Variants in MGMT observed in about 807,000 individuals in gnomAD.
The protein encoded by MGMT is methylated-DNA--protein-cysteine methyltransferase.
MGMT carries 14 observed loss-of-function variants against 15.9 expected under a neutral mutation model. The ratio of observed to expected loss-of-function variants is 0.88; its 90% CI spans 0.58 to 1.37. MGMT has a LOEUF of 1.37. Among genes scored for constraint, MGMT ranks in the 40% most tolerant of loss-of-function variants. MGMT has a pLI of 0.00. For synonymous variants in MGMT, 130 were observed against 118.2 expected, an observed-to-expected ratio of 1.10 and a Z score of -0.65; for missense variants, 282 against 268.1, an observed-to-expected ratio of 1.05 and a Z score of -0.36.
intron 2 of MGMT, among the ~76,000 whole-genome samples, chr10:129,588,666 G>A (rs890980036): frequency 8.5e-5 from 13 of 152,154 alleles, no homozygotes; most frequent in Admixed American, 3.9e-4. Context: ...CCTGTACTGC[G>A]AGCCAGCACT....
chr10:129,485,139 ATCTT>A (rs1292043403), intron 1 of MGMT, among the ~76,000 whole-genome samples: 1 of 152,092 alleles, frequency 6.6e-6, no homozygotes, highest in Non-Finnish European at 1.5e-5. Flanking sequence ...ACTTCTGGGC[ATCTT>A]TCTTTGACCT....
intron 3 of MGMT, among the ~76,000 whole-genome samples, chr10:129,757,327 G>T (rs913592475): frequency 6.6e-6 from 1 of 152,210 alleles, no homozygotes; most frequent in Non-Finnish European, 1.5e-5. Context: ...CAAGGCTGGC[G>T]CTCAGATGAG....
intron 3 of MGMT, among the ~76,000 whole-genome samples, chr10:129,721,623 T>C (rs1359705): frequency 0.55 from 82,959 of 152,006 alleles, 22,886 homozygotes; most frequent in Middle Eastern, 0.71. Context: ...AACAATAGCA[T>C]AGAAGATGAG....
intron 2 of MGMT, among the ~76,000 whole-genome samples, chr10:129,593,089 G>A (rs1564862391): frequency 6.6e-6 from 1 of 152,182 alleles, no homozygotes. Flanking sequence ...TCCTTCTTGT[G>A]TAGGGTGAGG....
Position 129,555,924 on chromosome 10 carries a change from G to A in MGMT, c.125+19547G>A, listed in dbSNP as rs949028827. ...CCCACTGGGACTCTCTAGGGCCAGC[G>A]GGAACCCTGCAGGCATTCGGAGAAC... is the stretch of plus-strand genomic sequence containing the variant. On this transcript the variant is annotated intron_variant, in intron 2 of 4. Transcript: ENST00000651593. Among the ~76,000 whole-genome samples, 22 of 152,284 alleles carry A rather than the reference G, an allele frequency of 1.4e-4. No homozygotes were observed. The Middle Eastern group carries it at 0.024, about 165-fold the overall frequency.
intron 1 of MGMT, among the ~76,000 whole-genome samples, chr10:129,497,953 G>A (rs148075008): frequency 1.3e-5 from 2 of 152,220 alleles, no homozygotes; most frequent in African/African-American, 4.8e-5. Flanking sequence ...AATTTCTGTT[G>A]TTTACAAAGC....
At chr10:129,535,556 G>C (rs1020111147) in intron 1 of MGMT, among the ~76,000 whole-genome samples, 3 of 152,108 alleles carry the variant, frequency 2.0e-5, no homozygotes, top group Non-Finnish European at 4.4e-5. Context: ...GTCTTGCTAC[G>C]TTGCCCAGTC....
At chr10:129,535,991 A>C (rs1023975570) in intron 1 of MGMT, among the ~76,000 whole-genome samples, 2 of 152,206 alleles carry the variant, frequency 1.3e-5, no homozygotes, top group Non-Finnish European at 2.9e-5. Flanking sequence ...ATAAACGAGA[A>C]GAATCGGGAT....
chr10:129,672,543 G>A (rs954071343), intron 2 of MGMT, among the ~76,000 whole-genome samples: 9 of 151,922 alleles, frequency 5.9e-5, no homozygotes, highest in Admixed American at 2.0e-4. Flanking sequence ...TTTTATATCC[G>A]TGGGGTCCAT....
At chr10:129,473,297 A>C (rs1047360199) in intron 1 of MGMT, among the ~76,000 whole-genome samples, 5 of 152,106 alleles carry the variant, frequency 3.3e-5, no homozygotes, top group Admixed American at 6.5e-5. Flanking sequence ...TGTTTGTGGA[A>C]ATGGGCCTTA....
chr10:129,596,458 C>T (rs1846752406), intron 2 of MGMT, among the ~76,000 whole-genome samples: 1 of 152,170 alleles, frequency 6.6e-6, no homozygotes. Context: ...AACATGCACA[C>T]CCTTCCTTCG....
At chr10:129,676,812 A>ATACTTTAC (rs1238579976) in intron 2 of MGMT, among the ~76,000 whole-genome samples, 15 of 152,358 alleles carry the variant, frequency 9.8e-5, no homozygotes, top group African/African-American at 3.4e-4. Context: ...ATGACCTCAT[A>ATACTTTAC]TACTTTACTT....
rs143208446 is a variant in MGMT at position 129,521,017 on chromosome 10, G to T, written c.-12-15224G>T. On this transcript the variant is annotated intron_variant, in intron 1 of 4. Coordinates refer to ENST00000651593, the MANE Select transcript of MGMT (RefSeq NM_002412.5). ...TGCGCGTACGGGGCCCCTACGGCAC[G>T]CAGGCTTGCCCCGCCACCTGCTGTC... Among the ~76,000 whole-genome samples, 111 of 152,222 alleles carry T rather than the reference G, an allele frequency of 7.3e-4. No individual in the cohort carries two copies. The South Asian group carries it at 0.02, about 28-fold the overall frequency.
intron 2 of MGMT, among the ~76,000 whole-genome samples, chr10:129,570,201 C>A (rs1846401082): frequency 6.6e-6 from 1 of 152,244 alleles, no homozygotes; most frequent in South Asian, 2.1e-4. Flanking sequence ...CAAGTAAGTG[C>A]AAGAATCAAA....
chr10:129,759,319 G>A lies in MGMT; in HGVS notation c.392G>A (p.Gly131Glu), dbSNP rs763295892. The A allele has an allele frequency of 1.2e-6, 2 of 1,614,212 alleles. No homozygotes were observed. The highest frequency in any genetic ancestry group is 2.2e-5 in the South Asian group (2 of 91,084). ...AGNPKAARAV[G>E]GAMRGNPVPI... ...AACCCCAAAGCCGCGCGAGCAGTGG[G>A]AGGAGCAATGAGAGGCAATCCTGTG... Residue 131 changes from glycine to glutamate, a missense_variant, in exon 4 of 5, where the codon GGA (glycine) becomes GAA (glutamate). Gly to Glu is a moderately conservative substitution (Grantham distance 98, BLOSUM62 -2). Transcript: ENST00000651593.
chr10:129,754,457 G>A (rs1223144885), intron 3 of MGMT, among the ~76,000 whole-genome samples: 8 of 152,126 alleles, frequency 5.3e-5, no homozygotes, highest in South Asian at 2.1e-4. Flanking sequence ...GGGCTCCTGC[G>A]GCCCCTGTTG....
chr10:129,580,849 A>G (rs969814378), intron 2 of MGMT, among the ~76,000 whole-genome samples: 1 of 152,220 alleles, frequency 6.6e-6, no homozygotes, highest in East Asian at 1.9e-4. Context: ...TGTTGCAAAC[A>G]TCGTTTGTTG....
chr10:129,623,764 T>C (rs1847115784), intron 2 of MGMT, among the ~76,000 whole-genome samples: 1 of 152,152 alleles, frequency 6.6e-6, no homozygotes, highest in Non-Finnish European at 1.5e-5. Context: ...CAAGCAGTCT[T>C]CCTGCCTTGG....
chr10:129,507,856 C>G (rs1845641484), intron 1 of MGMT, among the ~76,000 whole-genome samples: 2 of 152,208 alleles, frequency 1.3e-5, no homozygotes, highest in African/African-American at 2.4e-5. Context: ...AATGTTTTAG[C>G]TGTTAAACTT....
Sources: gnomAD v4.1 joint callset for allele counts (sites outside exome capture counted in the v4.1 genomes callset) on GRCh38, gnomAD v4.1.1 for gene constraint, MANE v1.5 for transcripts, NCBI Gene and HGNC (gene_info 2026-07-23, HGNC 2026-07-21) for gene names.